PTPN11: variants seen among roughly 807,000 people sequenced by gnomAD.
PTPN11 encodes the protein tyrosine-protein phosphatase non-receptor type 11.
PTPN11 carries 6 observed loss-of-function variants against 78.8 expected under a neutral mutation model. The ratio of observed to expected loss-of-function variants is 0.08; its 90% CI spans 0.04 to 0.15. PTPN11 has a LOEUF of 0.15. Among genes scored for constraint, PTPN11 ranks in the 10% least tolerant of loss-of-function variants. PTPN11 has a pLI of 1.00. For synonymous variants in PTPN11, 221 were observed against 263.5 expected (o/e 0.84, Z 1.56); for missense variants, 386 against 744.8 (o/e 0.52, Z 5.61).
Position 112,506,003 on chromosome 12 carries a change from C to G in PTPN11, c.*211C>G, listed in dbSNP as rs2038931050. On this transcript the variant is annotated 3_prime_UTR_variant, in exon 16 of 16. Transcript: ENST00000351677. ...CAACAATACCTGCTTCCCAATTACT[C>G]ATTTCCTCAGATAAGAAGAAATCAT... 1.3e-5 allele frequency: 2 copies of G among 152,416 alleles called. No homozygotes were observed. The highest frequency in any genetic ancestry group is 4.1e-4 in the South Asian group (2 of 4,822). The allele number at this position is 152,416 out of a possible 1,614,324, so 9.4% of individuals were successfully genotyped here.
At chr12:112,442,192 T>A (rs1253734739) in intron 1 of PTPN11, among the ~76,000 whole-genome samples, 2 of 152,184 alleles carry the variant, frequency 1.3e-5, no homozygotes, top group East Asian at 1.9e-4. Context: ...AATTTCAAAT[T>A]TAAATAAGAG....
At chr12:112,446,441 G>C in intron 2 of PTPN11, 43 bp downstream of exon 2, 1 of 1,613,208 alleles carries the variant, frequency 6.2e-7, no homozygotes. Context: ...GTGTTTTCTA[G>C]GTAGGAAGTG....
intron 3 of PTPN11, 41 bp from the exon 4 acceptor site, chr12:112,453,154 A>C: frequency 6.5e-7 from 1 of 1,543,378 alleles, no homozygotes; most frequent in South Asian, 1.1e-5. Flanking sequence ...ACATGAACCC[A>C]TAGTAGAGCT....
chr12:112,442,916 A>G (rs1363623250), intron 1 of PTPN11, among the ~76,000 whole-genome samples: 2 of 134,812 alleles, frequency 1.5e-5, no homozygotes, highest in Non-Finnish European at 3.2e-5. Context: ...ATGTATATGT[A>G]TGTATTTTAT....
chr12:112,495,097 A>G (rs1453154946), intron 13 of PTPN11, among the ~76,000 whole-genome samples: 1 of 152,240 alleles, frequency 6.6e-6, no homozygotes, highest in East Asian at 1.9e-4. Flanking sequence ...TCTGTATAAC[A>G]GAGTGAGTTC....
chr12:112,472,785 G>A (rs1288190521), intron 6 of PTPN11, among the ~76,000 whole-genome samples, 159 bp from the exon 7 acceptor site: 4 of 152,198 alleles, frequency 2.6e-5, no homozygotes, highest in African/African-American at 9.7e-5. Flanking sequence ...ACAGGTGTAA[G>A]CCATCACGCC....
intron 1 of PTPN11, among the ~76,000 whole-genome samples, chr12:112,424,474 G>C (rs759232766): frequency 2.0e-5 from 3 of 152,184 alleles, no homozygotes; most frequent in Non-Finnish European, 4.4e-5. Flanking sequence ...TGCTGTGAAG[G>C]AAGGATTGTA....
At chr12:112,439,111 A>G (rs2037841350) in intron 1 of PTPN11, among the ~76,000 whole-genome samples, 1 of 152,116 alleles carries the variant, frequency 6.6e-6, no homozygotes, top group African/African-American at 2.4e-5. Context: ...ATTTTATAGG[A>G]CTTAACAGAG....
chr12:112,420,460 C>A (rs370734811), intron 1 of PTPN11, among the ~76,000 whole-genome samples: 1 of 152,060 alleles, frequency 6.6e-6, no homozygotes, highest in African/African-American at 2.4e-5. Flanking sequence ...ATTCTCCTGC[C>A]TCAGCCTCCC....
At chr12:112,453,714 C>T (rs567639127) in intron 4 of PTPN11, among the ~76,000 whole-genome samples, 2 of 145,838 alleles carry the variant, frequency 1.4e-5, no homozygotes, top group East Asian at 4.1e-4. Flanking sequence ...CTGGGTCTTG[C>T]TCTGTCACGC....
rs536731508 is a variant in PTPN11 at position 112,482,523 on chromosome 12, C to T, written c.1224+318C>T. Among the ~76,000 whole-genome samples, 7 of 152,164 alleles carry T rather than the reference C, an allele frequency of 4.6e-5. No homozygotes were observed. Among genetic ancestry groups the T allele is most frequent in the East Asian group, 3.9e-4 (2 of 5,172 alleles). ...GCTGAGGTGGGTGGATCGCTTGAGC[C>T]GGGGAGTTCGAGACCAGCCCTGGGT... is the stretch of plus-strand genomic sequence containing the variant. On this transcript the variant is annotated intron_variant, in intron 10 of 15. Coordinates refer to ENST00000351677, the MANE Select transcript of PTPN11 (RefSeq NM_002834.5). This position sits in a 1 kb window ranked among gnomAD's most constrained non-coding sequence, Gnocchi z 4.4.
chr12:112,485,664 A>G (rs1334763225), intron 10 of PTPN11, among the ~76,000 whole-genome samples: 1 of 152,186 alleles, frequency 6.6e-6, no homozygotes, highest in African/African-American at 2.4e-5. Context: ...TCTGCTTTGC[A>G]TTAAATATAA....
intron 13 of PTPN11, among the ~76,000 whole-genome samples, chr12:112,501,508 C>T (rs1180340124): frequency 6.6e-6 from 1 of 152,024 alleles, no homozygotes; most frequent in African/African-American, 2.4e-5. Context: ...ACCTGTAATC[C>T]CAGCTACTCA....
Position 112,482,345 on chromosome 12 carries a change from C to A in PTPN11, c.1224+140C>A. On this transcript the variant is annotated intron_variant, in intron 10 of 15. Coordinates refer to ENST00000351677, the MANE Select transcript of PTPN11 (RefSeq NM_002834.5). This position sits in a 1 kb window ranked among gnomAD's most constrained non-coding sequence, Gnocchi z 4.4. Reference sequence around the variant, plus strand: ...TCAGTAGCCATTTATTAGCTTCCTTCTATGTGCCAGGTACAGTTTAAGCAG... The same window carrying A: ...TCAGTAGCCATTTATTAGCTTCCTTATATGTGCCAGGTACAGTTTAAGCAG... 1.0e-6 allele frequency: 1 copy of A among 1,000,908 alleles called. No homozygotes were observed. The highest frequency in any genetic ancestry group is 1.5e-6 in the Non-Finnish European group (1 of 651,584). The allele number at this position is 1,000,908 out of a possible 1,614,324, so 62.0% of individuals were successfully genotyped here. A position where few individuals can be genotyped will look rare whatever the true frequency, so the allele number is the denominator to read the frequency against.
At chr12:112,463,254 GA>G (rs141132910) in intron 6 of PTPN11, among the ~76,000 whole-genome samples, 7 of 147,214 alleles carry the variant, frequency 4.8e-5, no homozygotes, top group South Asian at 4.3e-4. Flanking sequence ...AAAAAGAGAA[GA>G]AAAAAAAAAG....
intron 11 of PTPN11, 41 bp downstream of exon 11, chr12:112,486,670 T>C (rs1034089536): frequency 1.2e-6 from 2 of 1,609,082 alleles, no homozygotes; most frequent in African/African-American, 1.3e-5. Context: ...AGCCTGTCCC[T>C]GTCTCCTAGC....
chr12:112,459,737 G>A (rs2038219937), intron 6 of PTPN11, among the ~76,000 whole-genome samples: 1 of 151,956 alleles, frequency 6.6e-6, no homozygotes. Context: ...GAAAGTGCTG[G>A]GATTGTAGGT....
chr12:112,503,023 T>C (rs1288714895), intron 14 of PTPN11, among the ~76,000 whole-genome samples: 1 of 152,236 alleles, frequency 6.6e-6, no homozygotes, highest in East Asian at 1.9e-4. Flanking sequence ...TTTGGGTGTT[T>C]AAACCAGGAG....
intron 1 of PTPN11, among the ~76,000 whole-genome samples, chr12:112,438,247 C>T (rs1379268362): frequency 6.6e-6 from 1 of 152,070 alleles, no homozygotes; most frequent in Non-Finnish European, 1.5e-5. Flanking sequence ...TTTTTGCTTA[C>T]AGGTAATCTG....
Sources: gnomAD v4.1 joint callset for allele counts (sites outside exome capture counted in the v4.1 genomes callset) on GRCh38, gnomAD v4.1.1 for gene constraint, Gnocchi (gnomAD v3.1) non-coding constraint, MANE v1.5 for transcripts, NCBI Gene and HGNC (gene_info 2026-07-23, HGNC 2026-07-21) for gene names.